RBFOX2: variants seen among roughly 807,000 people sequenced by gnomAD.
RBFOX2 encodes RNA binding protein fox-1 homolog 2.
RBFOX2 carries 10 observed loss-of-function variants against 49.1 expected under a neutral mutation model. The ratio of observed to expected loss-of-function variants is 0.20; its 90% confidence interval spans 0.13 to 0.35. The LOEUF (loss-of-function observed/expected upper bound fraction) is 0.35, where lower values mean the gene tolerates loss of function less well. RBFOX2 is among the 10% of genes least tolerant of loss of function. The pLI, the probability that RBFOX2 is intolerant of heterozygous loss-of-function variation, is 1.00. For missense variants in RBFOX2, 323 were observed against 486.9 expected (o/e 0.66, Z 3.17); for synonymous variants, 183 against 187.4 (o/e 0.98, Z 0.19).
exon 1 of RBFOX2, chr22:35,840,349 G>T: frequency 6.5e-7 from 1 of 1,544,022 alleles, no homozygotes; most frequent in Non-Finnish European, 8.7e-7. Context: ...TCTTTATACC[G>T]TTTTCCTTCC....
chr22:35,742,475 G>C (rs1003376220), exon 12 of RBFOX2: 9 of 152,656 alleles, frequency 5.9e-5, no homozygotes, highest in African/African-American at 1.7e-4. Context: ...CATGTGTGGA[G>C]GCAGGAGTTA....
chr22:35,899,122 A>AATAACATAACATAACATAAC (rs59505989), intron 1 of RBFOX2, among the ~76,000 whole-genome samples: 3,191 of 139,272 alleles, frequency 0.023, 60 homozygotes, highest in East Asian at 0.032. Flanking sequence ...CTGTCTCAAA[A>AATAACATAACATAACATAAC]ATAACATAAC....
At chr22:35,967,425 G>C (rs1410540835) in intron 1 of RBFOX2, among the ~76,000 whole-genome samples, 1 of 147,278 alleles carries the variant, frequency 6.8e-6, no homozygotes, top group Non-Finnish European at 1.5e-5. Flanking sequence ...AAAAAAAAAG[G>C]ACAATGATGT....
intron 1 of RBFOX2, among the ~76,000 whole-genome samples, chr22:35,981,098 A>C (rs1286877468): frequency 4.6e-5 from 7 of 152,216 alleles, no homozygotes; most frequent in Admixed American, 2.0e-4. Context: ...ATAAATTTTT[A>C]ATCACCAAAA....
rs1231477402 is a variant in RBFOX2, at chr22:35,791,392, A to AC, written c.253-9647_253-9646insG. 2.0e-5 allele frequency among the ~76,000 whole-genome samples: 3 copies of AC among 151,566 alleles called. No homozygotes were observed. The East Asian group carries it at 5.8e-4, about 29-fold the overall frequency. On this transcript the variant is annotated intron_variant, in intron 2 of 11. Transcript: ENST00000405409. ...AGAGCAAAAACTCTGTCTCAAAAAAAAAAAAAAGAAGAAAATATTTTAGGA... is the reference window on the plus strand; with the variant it reads ...AGAGCAAAAACTCTGTCTCAAAAAAACAAAAAAAGAAGAAAATATTTTAGGA...
At chr22:35,894,269 CTT>C (rs1198797429) in intron 1 of RBFOX2, among the ~76,000 whole-genome samples, 1 of 152,180 alleles carries the variant, frequency 6.6e-6, no homozygotes, top group Non-Finnish European at 1.5e-5. Context: ...GCAAGTCACT[CTT>C]TGTGGCTTAA....
chr22:35,995,111 T>C (rs1444314795), intron 1 of RBFOX2: 2 of 152,216 alleles, frequency 1.3e-5, no homozygotes, highest in South Asian at 2.1e-4. Context: ...AACAACTACT[T>C]TGAAGAACTG....
At chr22:36,010,764 C>G (rs1408842079) in intron 1 of RBFOX2, among the ~76,000 whole-genome samples, 3 of 151,296 alleles carry the variant, frequency 2.0e-5, no homozygotes, top group Non-Finnish European at 2.9e-5. Context: ...CACACACACA[C>G]ACACACACAC....
rs989696707 is a variant in RBFOX2 at position 35,900,556 on chromosome 22, G to C, written c.-34+38291C>G. On this transcript the variant is annotated intron_variant, in intron 1 of 13. Transcript: ENST00000359369. ...CTCACCAAAACAACACTGAGGTAGA[G>C]AAATGAGATGTATGAGTATTGTCTA... is the stretch of plus-strand genomic sequence containing the variant. Among the ~76,000 whole-genome samples, 8 of 148,398 alleles carry C rather than the reference G, an allele frequency of 5.4e-5. No individual in the cohort carries two copies. The East Asian group carries it at 1.6e-3, about 29-fold the overall frequency.
At chr22:35,825,304 T>C (rs867527554) in intron 1 of RBFOX2, among the ~76,000 whole-genome samples, 1 of 151,972 alleles carries the variant, frequency 6.6e-6, no homozygotes, top group African/African-American at 2.4e-5. Context: ...AGACAATTAG[T>C]AGACATTTCT....
upstream of RBFOX2, among the ~76,000 whole-genome samples, chr22:35,940,672 C>G (rs569414272): frequency 2.6e-5 from 4 of 151,874 alleles, no homozygotes; most frequent in South Asian, 4.2e-4. Context: ...AATAACCAAA[C>G]AGCAGAAAAA....
intron 1 of RBFOX2, among the ~76,000 whole-genome samples, chr22:35,947,763 T>C (rs779224708): frequency 2.7e-5 from 4 of 149,334 alleles, no homozygotes; most frequent in Non-Finnish European, 4.4e-5. Context: ...TGTACAGCTA[T>C]ACAATGTGTT....
chr22:35,762,503 CT>C (rs769912529), intron 6 of RBFOX2, among the ~76,000 whole-genome samples: 4,490 of 126,814 alleles, frequency 0.035, 129 homozygotes, highest in African/African-American at 0.13. Flanking sequence ...TTGGCCTCCT[CT>C]TTTTTTTTTT....
chr22:35,932,265 C>T (rs1189488148), intron 1 of RBFOX2, among the ~76,000 whole-genome samples: 1 of 150,092 alleles, frequency 6.7e-6, no homozygotes, highest in Non-Finnish European at 1.5e-5. Context: ...AAGTTCATTG[C>T]AAAAATTTGA....
At chr22:35,929,485 A>C (rs2052088788) in intron 1 of RBFOX2, among the ~76,000 whole-genome samples, 1 of 152,184 alleles carries the variant, frequency 6.6e-6, no homozygotes. Context: ...AAGGTGATAC[A>C]TCACTATAAT....
chr22:35,797,542 G>C (rs1033053965), intron 2 of RBFOX2, among the ~76,000 whole-genome samples: 1 of 152,140 alleles, frequency 6.6e-6, no homozygotes, highest in Non-Finnish European at 1.5e-5. Flanking sequence ...TTAAGTGAAC[G>C]TGATTTTTTT....
chr22:35,808,788 G>A (rs1951244717), intron 2 of RBFOX2, among the ~76,000 whole-genome samples: 1 of 152,106 alleles, frequency 6.6e-6, no homozygotes, highest in Non-Finnish European at 1.5e-5. Context: ...GACTGAGGTT[G>A]CAGTGAGCTA....
intron 9 of RBFOX2, among the ~76,000 whole-genome samples, chr22:35,755,224 C>A (rs1013572473): frequency 1.3e-5 from 2 of 152,158 alleles, no homozygotes; most frequent in African/African-American, 4.8e-5. Context: ...ATGACTTGAG[C>A]GACTAAATCA....
intron 1 of RBFOX2, among the ~76,000 whole-genome samples, chr22:35,936,854 T>C (rs1472436662): frequency 4.6e-5 from 7 of 152,220 alleles, no homozygotes; most frequent in Non-Finnish European, 1.0e-4. Flanking sequence ...ACAAGAAGAA[T>C]ACAGTACCCT....
Sources: gnomAD v4.1 joint callset for allele counts (sites outside exome capture counted in the v4.1 genomes callset) on GRCh38, gnomAD v4.1.1 for gene constraint, MANE v1.5 for transcripts, NCBI Gene and HGNC (gene_info 2026-07-23, HGNC 2026-07-21) for gene names.